Variants in KRT10 observed in about 807,000 individuals in gnomAD.
KRT10 encodes keratin, type I cytoskeletal 10.
Under a neutral mutation model 59.2 loss-of-function variants are expected in KRT10, and 40 were observed. The ratio of observed to expected loss-of-function variants is 0.68; its 90% CI spans 0.52 to 0.88. The LOEUF (loss-of-function observed/expected upper bound fraction) is 0.88, where lower values mean the gene tolerates loss of function less well. Among genes scored for constraint, KRT10 ranks in the 40% least tolerant of loss-of-function variants. The probability of loss-of-function intolerance (pLI) is 0.00; values close to 1 mark genes in which losing one functional copy is unlikely to be tolerated. For missense variants in KRT10, 719 were observed against 749.1 expected, an observed-to-expected ratio of 0.96 and a Z score of 0.47; for synonymous variants, 336 against 310.7, an observed-to-expected ratio of 1.08 and a Z score of -0.86.
At position 40,818,761 on chromosome 17, in the gene KRT10, G is replaced by C. The variant is rs778883924; in HGVS notation, c.1748+26C>G. Reference sequence around the variant, plus strand: ...ATCACAGGAAGTTAAAACTAATTCTGATTACCCCAGCTAGTTTCTGCTGAC... The same window carrying C: ...ATCACAGGAAGTTAAAACTAATTCTCATTACCCCAGCTAGTTTCTGCTGAC... On this transcript the variant is annotated intron_variant, in intron 7 of 7. Coordinates refer to ENST00000269576, the MANE Select transcript of KRT10 (RefSeq NM_000421.5). 28 of 1,586,974 alleles carry C rather than the reference G, an allele frequency of 1.8e-5. 1 individual carries two copies. In the South Asian group the frequency reaches 2.9e-4, roughly 16 times the overall value.
chr17:40,819,668 G>C lies in KRT10; in HGVS notation c.1222C>G (p.Gln408Glu). The C allele has an allele frequency of 6.2e-7, 1 of 1,614,236 alleles. No individual in the cohort carries two copies. Among genetic ancestry groups the C allele is most frequent in the Non-Finnish European group, 8.5e-7 (1 of 1,180,058 alleles). Residue 408 changes from glutamine to glutamate, a missense_variant, in exon 6 of 8, where the codon CAG becomes GAG. Gln to Glu is a conservative substitution (Grantham distance 29, BLOSUM62 2). Transcript: ENST00000269576. ...GRYCVQLSQI[Q>E]AQISALEEQL... Reference sequence around the variant, plus strand: ...TCTTCCAGAGCGGATATCTGGGCCTGAATCTGTGAGAGCTGCACACAGTAG... The same window carrying C: ...TCTTCCAGAGCGGATATCTGGGCCTCAATCTGTGAGAGCTGCACACAGTAG...
chr17:40,820,087 G>A lies in KRT10; in HGVS notation c.1117C>T (p.Gln373Ter). The A allele has an allele frequency of 6.2e-7, 1 of 1,613,348 alleles. No homozygotes were observed. Among genetic ancestry groups the A allele is most frequent in the Non-Finnish European group, 8.5e-7 (1 of 1,179,856 alleles). Residue 373 changes from glutamine to a stop codon, truncating the protein, a stop_gained, in exon 5 of 8, where the codon CAA becomes TAA. Transcript: ENST00000269576. LOFTEE classifies it high-confidence loss of function. Reference protein sequence around the residue: ...SEITELRRNVQALEIELQSQL... With the variant: ...SEITELRRNV Reference sequence around the variant, plus strand: ...GACTGTAGTTCTATCTCCAGAGCTTGTACATTACGTCTCAATTCAGTAATC... The same window carrying A: ...GACTGTAGTTCTATCTCCAGAGCTTATACATTACGTCTCAATTCAGTAATC...
At position 40,818,400 on chromosome 17, in the gene KRT10, T is replaced by C; in HGVS notation, c.*76A>G. On this transcript the variant is annotated 3_prime_UTR_variant, in exon 8 of 8. Transcript: ENST00000269576. ...TTTAATAGTAGTGTTTCTTGGTTTC[T>C]GATTCAACCATAGATGAAAGAACTC... 1.2e-6 allele frequency: 2 copies of C among 1,606,070 alleles called. No homozygotes were observed. Among genetic ancestry groups the C allele is most frequent in the Non-Finnish European group, 1.7e-6 (2 of 1,173,674 alleles).
chr17:40,820,738 A>G, intron 2 of KRT10, 71 bp from the exon 3 acceptor site: 1 of 1,520,374 alleles, frequency 6.6e-7, no homozygotes, highest in Non-Finnish European at 9.1e-7. Flanking sequence ...GAGACTATTT[A>G]AAAAGCAGCT....
At position 40,820,049 on chromosome 17, in the gene KRT10, C is replaced by A; in HGVS notation, c.1155G>T (p.Leu385Phe). Residue 385 changes from leucine to phenylalanine, a missense_variant and splice_region_variant, in exon 5 of 8, where the codon TTG (leucine) becomes TTT (phenylalanine). Coordinates refer to ENST00000269576, the MANE Select transcript of KRT10 (RefSeq NM_000421.5). ...LEIELQSQLA[L>F]KQSLEASLAE... ...AGTCATTTCATGAGAGTTAACATAC[C>A]AAGGCCAGTTGGGACTGTAGTTCTA... is the stretch of plus-strand genomic sequence containing the variant. 1 of 1,612,440 alleles carries A rather than the reference C, an allele frequency of 6.2e-7. No homozygotes were observed. The highest frequency in any genetic ancestry group is 1.1e-5 in the South Asian group (1 of 90,998).
chr17:40,818,477 T>G lies in KRT10; in HGVS notation c.1754A>C (p.Ter585SerextTer10). 6.2e-7 allele frequency: 1 copy of G among 1,607,472 alleles called. No individual in the cohort carries two copies. Among genetic ancestry groups the G allele is most frequent in the Non-Finnish European group, 8.5e-7 (1 of 1,173,998 alleles). Reference sequence around the variant, plus strand: ...ATTGTCTTGATTACTCTGGTTTTGTTAGTATCTGTGTGAATGATGGAAAAA... The same window carrying G: ...ATTGTCTTGATTACTCTGGTTTTGTGAGTATCTGTGTGAATGATGGAAAAA... Reference protein sequence around the residue: ...GESSSKGPRY* With the variant: ...GESSSKGPRYS Residue 585 changes from the stop codon to serine (S), a stop_lost, in exon 8 of 8, where the codon TAA becomes TCA. Transcript: ENST00000269576.
chr17:40,819,768 C>T (rs780181520), intron 5 of KRT10, 34 bp from the exon 6 acceptor site: 9 of 1,552,062 alleles, frequency 5.8e-6, no homozygotes, highest in African/African-American at 4.1e-5. Flanking sequence ...TAGTGACTTC[C>T]TTGTTCAGTT....
In KRT10 at chr17:40,822,438, C is replaced by T. The variant is rs751529374; in HGVS notation, c.148G>A (p.Gly50Arg). 3.1e-6 allele frequency: 5 copies of T among 1,614,064 alleles called. No homozygotes were observed. Among genetic ancestry groups the T allele is most frequent in the Non-Finnish European group, 3.4e-6 (4 of 1,179,966 alleles). The part of the protein sequence containing the change: ...KGSLGGGFSS[G>R]GFSGGSFSRG... ...CTAAAAGAGCCACCACTGAACCCCCCTGAGCTAAATCCTCCACCAAGGGAG... is the reference window on the plus strand; with the variant it reads ...CTAAAAGAGCCACCACTGAACCCCCTTGAGCTAAATCCTCCACCAAGGGAG... Residue 50 changes from glycine to arginine, a missense_variant, in exon 1 of 8, where the codon GGG becomes AGG. Coordinates refer to ENST00000269576, the MANE Select transcript of KRT10 (RefSeq NM_000421.5).
At chr17:40,821,243 A>G (rs546219047) in intron 1 of KRT10, 126 bp from the exon 2 acceptor site, 1 of 708,582 alleles carries the variant, frequency 1.4e-6, no homozygotes, top group South Asian at 1.5e-5. Flanking sequence ...TTTTATTTTA[A>G]ATATGAAATA....
Position 40,820,112 on chromosome 17 carries a change from C to G in KRT10, c.1092G>C (p.Glu364Asp), listed in dbSNP as rs563065404. The G allele has an allele frequency of 3.1e-6, 5 of 1,613,734 alleles. No homozygotes were observed. The African/African-American group carries it at 4.0e-5, about 13-fold the overall frequency. ...GTACATTACGTCTCAATTCAGTAAT[C>G]TCAGATTTATAGCTGGATATCTGTT... ...NIEQISSYKSEITELRRNVQA... is the reference protein window; with the variant it reads ...NIEQISSYKSDITELRRNVQA... Residue 364 changes from glutamate to aspartate, a missense_variant, in exon 5 of 8, where the codon GAG (glutamate) becomes GAC (aspartate). Around this residue, in one of 4 missense-constraint regions of KRT10, gnomAD observed 221 missense variants for 277.8 expected, o/e 0.80. Coordinates refer to ENST00000269576, the MANE Select transcript of KRT10 (RefSeq NM_000421.5).
rs373917637 is a variant in KRT10 at position 40,818,436 on chromosome 17, C to T, written c.*40G>A. The stretch of plus-strand genomic sequence containing the variant: ...TAGATGAAAGAACTCTACCGTCGGG[C>T]GCCACCTCTTCAATAATTGTCTTGA... On this transcript the variant is annotated 3_prime_UTR_variant, in exon 8 of 8. Transcript: ENST00000269576. 32 of 1,613,030 alleles carry T rather than the reference C, an allele frequency of 2.0e-5. No individual in the cohort carries two copies. The highest frequency in any genetic ancestry group is 1.6e-4 in the Middle Eastern group (1 of 6,082).
Position 40,818,917 on chromosome 17 carries a change from C to CGGAGCAGCT in KRT10, c.1617_1618insAGCTGCTCC (p.Gly539_Gly540insSerCysSer). The CGGAGCAGCT allele has an allele frequency of 7.2e-7, 1 of 1,394,322 alleles. No individual in the cohort carries two copies. The highest frequency in any genetic ancestry group is 3.1e-5 in the East Asian group (1 of 32,572). The allele number at this position is 1,394,322 out of a possible 1,614,324, so 86.4% of individuals were successfully genotyped here. On this transcript the variant is annotated inframe_insertion, in exon 7 of 8. Coordinates refer to ENST00000269576, the MANE Select transcript of KRT10 (RefSeq NM_000421.5). ...CCGGAGCTGCCGCCCCCGTAGCCGC[C>CGGAGCAGCT]GCCGCCGCCGCCGGAACTGCCACCA... is the stretch of plus-strand genomic sequence containing the variant.
In KRT10 at chr17:40,818,917, C is replaced by CGCAGCTGCT. The variant is rs1905188581; in HGVS notation, c.1617_1618insAGCAGCTGC (p.Gly539_Gly540insSerSerCys). Reference sequence around the variant, plus strand: ...CCGGAGCTGCCGCCCCCGTAGCCGCCGCCGCCGCCGCCGGAACTGCCACCA... The same window carrying CGCAGCTGCT: ...CCGGAGCTGCCGCCCCCGTAGCCGCCGCAGCTGCTGCCGCCGCCGCCGGAACTGCCACCA... On this transcript the variant is annotated inframe_insertion, in exon 7 of 8. Coordinates refer to ENST00000269576, the MANE Select transcript of KRT10 (RefSeq NM_000421.5). The CGCAGCTGCT allele has an allele frequency of 7.3e-7, 1 of 1,365,850 alleles. No individual in the cohort carries two copies. Among genetic ancestry groups the CGCAGCTGCT allele is most frequent in the African/African-American group, 1.6e-5 (1 of 63,578 alleles). 84.6% of individuals were successfully genotyped at this position (1,365,850 alleles called of 1,614,324 possible).
intron 6 of KRT10, 102 bp downstream of exon 6, chr17:40,819,415 C>T (rs1337831651): frequency 7.6e-7 from 1 of 1,314,288 alleles, no homozygotes. Flanking sequence ...CTCTCTCCTC[C>T]CTTCCTCTCA....
At position 40,820,072 on chromosome 17, in the gene KRT10, C is replaced by A; in HGVS notation, c.1132G>T (p.Glu378Ter). Residue 378 changes from glutamate (E) to a stop codon, truncating the protein, a stop_gained, in exon 5 of 8, where the codon GAA becomes TAA. Coordinates refer to ENST00000269576, the MANE Select transcript of KRT10 (RefSeq NM_000421.5). LOFTEE classifies it high-confidence loss of function. ...ACCAAGGCCAGTTGGGACTGTAGTTCTATCTCCAGAGCTTGTACATTACGT... is the reference window on the plus strand; with the variant it reads ...ACCAAGGCCAGTTGGGACTGTAGTTATATCTCCAGAGCTTGTACATTACGT... ...LRRNVQALEI[E>*]LQSQLALKQS... 1 of 1,613,132 alleles carries A rather than the reference C, an allele frequency of 6.2e-7. No individual in the cohort carries two copies. Among genetic ancestry groups the A allele is most frequent in the South Asian group, 1.1e-5 (1 of 91,036 alleles).
chr17:40,819,942 CTCTT>C, intron 5 of KRT10, 103 bp downstream of exon 5: 1 of 1,408,638 alleles, frequency 7.1e-7, no homozygotes, highest in Non-Finnish European at 1.0e-6. Context: ...ACTTTGTTTT[CTCTT>C]TCTTACCTCC....
At position 40,821,053 on chromosome 17, in the gene KRT10, G is replaced by A. The variant is rs1246828514; in HGVS notation, c.692C>T (p.Ala231Val). 2 of 1,613,416 alleles carry A rather than the reference G, an allele frequency of 1.2e-6. No individual in the cohort carries two copies. Among genetic ancestry groups the A allele is most frequent in the East Asian group, 2.2e-5 (1 of 44,872 alleles). ...LLQIDNARLA[A>V]DDFRLKYENE... ...AACTTACTTCAGCCTGAAGTCATCA[G>A]CTGCCAGCCTGGCATTGTCGATCTG... Residue 231 changes from alanine (A) to valine (V), a missense_variant, in exon 2 of 8, where the codon GCT (alanine) becomes GTT (valine). Physicochemically the swap from Ala to Val is moderately conservative, Grantham distance 64. Transcript: ENST00000269576.
chr17:40,820,111 T>C lies in KRT10; in HGVS notation c.1093A>G (p.Ile365Val). Residue 365 changes from isoleucine to valine, a missense_variant, in exon 5 of 8, where the codon ATT (isoleucine) becomes GTT (valine). Physicochemically the swap from Ile to Val is conservative, Grantham distance 29. Around this residue, in one of 4 missense-constraint regions of KRT10, gnomAD observed 221 missense variants for 277.8 expected, o/e 0.80. Transcript: ENST00000269576. ...IEQISSYKSE[I>V]TELRRNVQAL... ...TGTACATTACGTCTCAATTCAGTAA[T>C]CTCAGATTTATAGCTGGATATCTGT... The C allele has an allele frequency of 6.2e-7, 1 of 1,613,786 alleles. No individual in the cohort carries two copies. The highest frequency in any genetic ancestry group is 2.2e-5 in the East Asian group (1 of 44,872).
chr17:40,818,864 G>A lies in KRT10; in HGVS notation c.1671C>T (p.Tyr557=), dbSNP rs1247178177. The A allele has an allele frequency of 1.3e-6, 2 of 1,552,564 alleles. No individual in the cohort carries two copies. The highest frequency in any genetic ancestry group is 1.7e-6 in the Non-Finnish European group (2 of 1,157,304). The change falls in exon 7 of 8, where the codon TAC becomes TAT. Residue 557 remains tyrosine, a synonymous_variant. Coordinates refer to ENST00000269576, the MANE Select transcript of KRT10 (RefSeq NM_000421.5). ...GGCCTCCGCTGGAGCTGCCGCCGCC[G>A]TATCCGCCGCCGGAGCTGCTGCCGC... ...SGGGSSSGGG[Y]GGGSSSGGHK... is the part of the protein sequence containing the mutation.
Sources: allele counts gnomAD v4.1 joint callset, GRCh38; gene constraint gnomAD v4.1.1; regional missense constraint gnomAD v4.1.1; transcripts MANE v1.5; gene names NCBI Gene and HGNC (gene_info 2026-07-23, HGNC 2026-07-21).